AOPEP: variants seen among roughly 807,000 people sequenced by gnomAD.
AOPEP encodes aminopeptidase O.
In AOPEP, 77 loss-of-function variants were observed where a neutral mutation model predicts 98.1. The ratio of observed to expected loss-of-function variants is 0.78; its 90% CI spans 0.65 to 0.95. The LOEUF (loss-of-function observed/expected upper bound fraction) is 0.95. AOPEP is among the 40% of genes least tolerant of loss of function. The pLI is 0.00. For missense variants in AOPEP, 1,024 were observed against 1,024.7 expected (o/e 1.00, Z 0.01); for synonymous variants, 346 against 365.3 (o/e 0.95, Z 0.60).
intron 16 of AOPEP, chr9:95,086,253 G>A: frequency 8.2e-7 from 1 of 1,225,174 alleles, no homozygotes; most frequent in African/African-American, 1.6e-5. Context: ...GTGGGGGTTT[G>A]TAGACTTGGA....
At chr9:95,095,626 C>T in the AOPEP span, among the ~76,000 whole-genome samples, 2 of 152,132 alleles carry the variant, frequency 1.3e-5, no homozygotes, top group South Asian at 4.1e-4. Flanking sequence ...CTTGCTTTTG[C>T]GTTGGGCATG....
chr9:94,874,236 G>A lies in AOPEP; in HGVS notation c.1365-49750G>A, dbSNP rs2046665392. On this transcript the variant is annotated intron_variant, in intron 5 of 16. Transcript: ENST00000375315. Reference sequence around the variant, plus strand: ...TGAGTGTTCTCAAAGGCATTGCTCAGTCTCCACTCCCTTTTTTAATCCAGG... The same window carrying A: ...TGAGTGTTCTCAAAGGCATTGCTCAATCTCCACTCCCTTTTTTAATCCAGG... Among the ~76,000 whole-genome samples, 3 of 152,126 alleles carry A rather than the reference G, an allele frequency of 2.0e-5. No individual in the cohort carries two copies. The South Asian group carries it at 6.2e-4, about 32-fold the overall frequency.
chr9:94,977,199 G>C (rs1021553879), intron 10 of AOPEP, among the ~76,000 whole-genome samples: 28 of 152,206 alleles, frequency 1.8e-4, no homozygotes, highest in African/African-American at 6.3e-4. Context: ...AAGCAAGGCT[G>C]CCCAGTGGAA....
At chr9:94,783,147 T>A (rs1444280432) in intron 3 of AOPEP, among the ~76,000 whole-genome samples, 1 of 152,216 alleles carries the variant, frequency 6.6e-6, no homozygotes, top group Non-Finnish European at 1.5e-5. Flanking sequence ...GAGACTTGAA[T>A]AACAAGCCTG....
intron 1 of AOPEP, among the ~76,000 whole-genome samples, chr9:94,738,912 C>T (rs1384239179): frequency 1.3e-5 from 2 of 152,220 alleles, no homozygotes; most frequent in Admixed American, 6.5e-5. Flanking sequence ...ACAAAGTGAA[C>T]TGTAACTAAA....
At chr9:94,790,138 G>A (rs913924327) in intron 3 of AOPEP, among the ~76,000 whole-genome samples, 3 of 151,800 alleles carry the variant, frequency 2.0e-5, no homozygotes, top group African/African-American at 7.3e-5. Flanking sequence ...GCCTCCCAAA[G>A]TGCTGGGATT....
chr9:94,747,336 T>C (rs1407228617), intron 1 of AOPEP, among the ~76,000 whole-genome samples: 3 of 152,206 alleles, frequency 2.0e-5, no homozygotes, highest in African/African-American at 7.2e-5. Flanking sequence ...CTTGCATTAT[T>C]TACTCAGTGA....
At chr9:94,854,026 G>A (rs1351667878) in intron 5 of AOPEP, among the ~76,000 whole-genome samples, 2 of 152,174 alleles carry the variant, frequency 1.3e-5, no homozygotes, top group Admixed American at 6.5e-5. Context: ...AACCCACATC[G>A]TAAGAGAAGA....
chr9:94,761,106 C>T (rs889334267), intron 2 of AOPEP, among the ~76,000 whole-genome samples: 2 of 151,208 alleles, frequency 1.3e-5, no homozygotes, highest in Admixed American at 6.5e-5. Context: ...TTTCATGTAA[C>T]GTGACCCCCC....
At chr9:94,893,861 T>G (rs1269230529) in intron 5 of AOPEP, among the ~76,000 whole-genome samples, 1 of 152,186 alleles carries the variant, frequency 6.6e-6, no homozygotes, top group Non-Finnish European at 1.5e-5. Flanking sequence ...AAACTGACAG[T>G]TCATGGAACA....
chr9:94,842,268 A>T (rs1718228436), intron 5 of AOPEP, among the ~76,000 whole-genome samples: 1 of 152,064 alleles, frequency 6.6e-6, no homozygotes. Flanking sequence ...AGGCTGAGGC[A>T]GGAGAATTGC....
At chr9:94,842,373 A>G (rs916538675) in intron 5 of AOPEP, among the ~76,000 whole-genome samples, 3 of 152,182 alleles carry the variant, frequency 2.0e-5, no homozygotes, top group Non-Finnish European at 4.4e-5. Context: ...AAAAAAAGAA[A>G]AACAACAACA....
intron 13 of AOPEP, among the ~76,000 whole-genome samples, chr9:95,030,129 ACTGT>A (rs762902589): frequency 3.3e-5 from 5 of 152,342 alleles, no homozygotes; most frequent in East Asian, 3.9e-4. Flanking sequence ...TCAAAGTGAT[ACTGT>A]CTGTTACAGA....
chr9:94,727,403 T>A (rs2131582101), intron 1 of AOPEP, among the ~76,000 whole-genome samples: 2 of 152,374 alleles, frequency 1.3e-5, no homozygotes, highest in South Asian at 2.1e-4. Context: ...TTAATAGCAT[T>A]GCATAAAATG....
At chr9:95,124,290 A>G in the AOPEP span, among the ~76,000 whole-genome samples, 2 of 151,896 alleles carry the variant, frequency 1.3e-5, no homozygotes, top group African/African-American at 4.8e-5. Context: ...GACCAGCACC[A>G]CTCTCGACAG....
In AOPEP at chr9:94,859,052, G is replaced by A; in HGVS notation, c.1364+58050G>A. Among the ~76,000 whole-genome samples, 2 of 130,892 alleles carry A rather than the reference G, an allele frequency of 1.5e-5. 1 individual carries two copies. Among genetic ancestry groups the A allele is most frequent in the Middle Eastern group, 8.1e-3 (2 of 248 alleles). 85.9% of individuals were successfully genotyped at this position (130,892 alleles called of 152,430 possible). On this transcript the variant is annotated intron_variant, in intron 5 of 16. Transcript: ENST00000375315. ...CAAAAAAAAAGAAGACCTGGAAGTG[G>A]AGGTTGCAGTGAGCTGACTGTGCCA...
chr9:94,759,621 A>G, intron 1 of AOPEP, 28 bp from the exon 2 acceptor site: 2 of 613,628 alleles, frequency 3.3e-6, no homozygotes, highest in South Asian at 4.5e-5. Context: ...TTGGAATTTT[A>G]TCTAATTGTG....
chr9:94,894,825 A>G (rs535987884), intron 5 of AOPEP, among the ~76,000 whole-genome samples: 62 of 152,324 alleles, frequency 4.1e-4, no homozygotes, highest in African/African-American at 1.4e-3. Context: ...TAACATATCA[A>G]AAGCATGATA....
At chr9:95,071,428 T>G (rs972662862) in intron 14 of AOPEP, among the ~76,000 whole-genome samples, 8 of 152,168 alleles carry the variant, frequency 5.3e-5, no homozygotes, top group African/African-American at 1.9e-4. Context: ...ATGGCTAGAA[T>G]TTCATGTACA....
Sources: gnomAD v4.1 joint callset for allele counts (sites outside exome capture counted in the v4.1 genomes callset) on GRCh38, gnomAD v4.1.1 for gene constraint, MANE v1.5 for transcripts, NCBI Gene and HGNC (gene_info 2026-07-23, HGNC 2026-07-21) for gene names.